The following FNDC3B variants were observed in gnomAD, a reference collection of about 807,000 sequenced individuals.
The protein encoded by FNDC3B is fibronectin type III domain-containing protein 3B.
In FNDC3B, 12 loss-of-function variants were observed where a neutral mutation model predicts 151.5. The ratio of observed to expected loss-of-function variants is 0.08; its 90% confidence interval spans 0.05 to 0.13. FNDC3B has a LOEUF of 0.13. Among genes scored for constraint, FNDC3B ranks in the 10% least tolerant of loss-of-function variants. FNDC3B has a pLI of 1.00. For synonymous variants in FNDC3B, 528 were observed against 549.0 expected, an observed-to-expected ratio of 0.96 and a Z score of 0.54; for missense variants, 1,214 against 1,505.3, an observed-to-expected ratio of 0.81 and a Z score of 3.20.
intron 24 of FNDC3B, among the ~76,000 whole-genome samples, chr3:172,380,548 C>G (rs1039482168): frequency 6.6e-6 from 1 of 152,080 alleles, no homozygotes; most frequent in African/African-American, 2.4e-5. Context: ...CCTGATGTTT[C>G]TTTTTGTATG....
intron 7 of FNDC3B, among the ~76,000 whole-genome samples, chr3:172,290,984 A>G (rs1165154793): frequency 6.6e-6 from 1 of 152,222 alleles, no homozygotes; most frequent in East Asian, 1.9e-4. Flanking sequence ...ACCAATGTAC[A>G]AGGAAATATT....
At chr3:172,328,162 C>T (rs944463825) in intron 11 of FNDC3B, among the ~76,000 whole-genome samples, 1 of 152,176 alleles carries the variant, frequency 6.6e-6, no homozygotes, top group Non-Finnish European at 1.5e-5. Flanking sequence ...TGAAGTATCA[C>T]ATAAGGCTAG....
chr3:172,059,381 T>C (rs1717073958), intron 1 of FNDC3B, among the ~76,000 whole-genome samples: 1 of 152,202 alleles, frequency 6.6e-6, no homozygotes, highest in South Asian at 2.1e-4. Flanking sequence ...TCCTCAGGAC[T>C]CCTGACACTA....
intron 6 of FNDC3B, among the ~76,000 whole-genome samples, chr3:172,277,337 G>A (rs1209855391): frequency 1.3e-5 from 2 of 152,076 alleles, no homozygotes; most frequent in South Asian, 4.1e-4. Context: ...CCAAGATCAG[G>A]GTGCCAGCAT....
rs369876070 is a variant in FNDC3B at position 172,274,811 on chromosome 3, C to CTG, written c.791-11107_791-11106dup. Among the ~76,000 whole-genome samples, 336 of 152,222 alleles carry CTG rather than the reference C, an allele frequency of 2.2e-3. 4 individuals carry two copies. The highest frequency in any genetic ancestry group is 7.7e-3 in the African/African-American group (320 of 41,518). ...TCCCTCTGTCTTCACATCATCTTCC[C>CTG]TGTGTGTGTCTGCATCCGAATTTCC... On this transcript the variant is annotated intron_variant, in intron 6 of 25. Transcript: ENST00000415807.
At chr3:172,331,862 A>T (rs1335873966) in intron 13 of FNDC3B, among the ~76,000 whole-genome samples, 1 of 152,200 alleles carries the variant, frequency 6.6e-6, no homozygotes, top group East Asian at 1.9e-4. Context: ...AACTTTCTGC[A>T]GTGATGGAAA....
chr3:172,285,880 G>C (rs1167157658), intron 6 of FNDC3B, 46 bp from the exon 7 acceptor site: 1 of 1,463,686 alleles, frequency 6.8e-7, no homozygotes, highest in African/African-American at 1.4e-5. Flanking sequence ...CAACCTTACT[G>C]CCTTCTAATG....
intron 2 of FNDC3B, among the ~76,000 whole-genome samples, chr3:172,120,084 T>C (rs755851079): frequency 6.6e-6 from 1 of 152,238 alleles, no homozygotes; most frequent in Non-Finnish European, 1.5e-5. Context: ...TGCCATGTTA[T>C]CAGAGGGTGT....
intron 4 of FNDC3B, among the ~76,000 whole-genome samples, chr3:172,244,481 CTT>C (rs1230763393): frequency 6.6e-6 from 1 of 151,930 alleles, no homozygotes; most frequent in Non-Finnish European, 1.5e-5. Flanking sequence ...TTGGGGGAGA[CTT>C]AGGCATAATT....
intron 18 of FNDC3B, 92 bp from the exon 19 acceptor site, chr3:172,343,994 T>G: frequency 2.6e-6 from 3 of 1,150,662 alleles, no homozygotes; most frequent in Non-Finnish European, 3.8e-6. Context: ...GCCACCTATG[T>G]GATATTTTGC....
chr3:172,241,563 C>CAA (rs35959261), intron 4 of FNDC3B, among the ~76,000 whole-genome samples: 5 of 141,946 alleles, frequency 3.5e-5, no homozygotes, highest in African/African-American at 5.2e-5. Context: ...TGGATGGCAG[C>CAA]AAAAAAAAAA....
intron 3 of FNDC3B, among the ~76,000 whole-genome samples, chr3:172,221,209 A>G (rs898751028): frequency 1.7e-4 from 26 of 151,918 alleles, no homozygotes; most frequent in Non-Finnish European, 2.6e-4. Context: ...GATTTTCTAT[A>G]CGTTGGGATA....
intron 1 of FNDC3B, among the ~76,000 whole-genome samples, chr3:172,092,972 C>G (rs1718914803): frequency 6.6e-6 from 1 of 152,038 alleles, no homozygotes; most frequent in East Asian, 1.9e-4. Flanking sequence ...GTGTGCACCA[C>G]CACACCTGGC....
At chr3:172,134,509 T>G in intron 3 of FNDC3B, 1 of 438,460 alleles carries the variant, frequency 2.3e-6, no homozygotes, top group Non-Finnish European at 4.7e-6. Context: ...CTGAACTTGC[T>G]TACCAATATA....
chr3:172,356,814 G>T (rs990459262), intron 22 of FNDC3B, among the ~76,000 whole-genome samples: 13 of 152,104 alleles, frequency 8.5e-5, no homozygotes, highest in East Asian at 1.9e-4. Flanking sequence ...TAGGGCAGGG[G>T]TGTTGTAAAA....
chr3:172,177,351 A>G (rs1190708479), intron 3 of FNDC3B, among the ~76,000 whole-genome samples: 3 of 152,158 alleles, frequency 2.0e-5, no homozygotes, highest in Admixed American at 6.5e-5. Flanking sequence ...TCTTTTACCC[A>G]TTACGTTAGA....
chr3:172,263,586 G>GTTTTTTTT (rs35762662), intron 6 of FNDC3B, among the ~76,000 whole-genome samples: 1 of 102,210 alleles, frequency 9.8e-6, no homozygotes, highest in Non-Finnish European at 1.8e-5. Flanking sequence ...GCTATCAAGT[G>GTTTTTTTT]TTTTTTTTTT....
At chr3:172,235,690 G>A (rs1402934840) in intron 4 of FNDC3B, among the ~76,000 whole-genome samples, 1 of 152,190 alleles carries the variant, frequency 6.6e-6, no homozygotes, top group Non-Finnish European at 1.5e-5. Flanking sequence ...CTTCATTTCT[G>A]GAAAGGTATA....
intron 10 of FNDC3B, 144 bp downstream of exon 10, chr3:172,307,645 G>A: frequency 1.4e-6 from 1 of 725,576 alleles, no homozygotes; most frequent in East Asian, 2.7e-5. Context: ...AGTGAGCCAT[G>A]ATCACGCCAC....
Sources: allele counts gnomAD v4.1 joint callset (sites outside exome capture counted in the v4.1 genomes callset), GRCh38; gene constraint gnomAD v4.1.1; transcripts MANE v1.5; gene names NCBI Gene and HGNC (gene_info 2026-07-23, HGNC 2026-07-21).